Variants in SEMA5A observed in about 807,000 individuals in gnomAD.
SEMA5A encodes the protein semaphorin 5A.
SEMA5A carries 55 observed loss-of-function variants against 135.5 expected under a neutral mutation model. The ratio of observed to expected loss-of-function variants is 0.41; its 90% CI spans 0.33 to 0.51. The LOEUF (loss-of-function observed/expected upper bound fraction) is 0.51, where lower values mean the gene tolerates loss of function less well. Among genes scored for constraint, SEMA5A ranks in the 20% least tolerant of loss-of-function variants. The probability of loss-of-function intolerance (pLI) is 0.37; values close to 1 mark genes in which losing one functional copy is unlikely to be tolerated. For synonymous variants in SEMA5A, 580 were observed against 546.5 expected (o/e 1.06, Z -0.85); for missense variants, 1,290 against 1,419.9 (o/e 0.91, Z 1.47).
chr5:9,112,676 T>C (rs1740303191), intron 15 of SEMA5A, among the ~76,000 whole-genome samples: 2 of 152,080 alleles, frequency 1.3e-5, no homozygotes, highest in Admixed American at 1.3e-4. Context: ...CCTGGGACTC[T>C]TAACTTTGAG....
At chr5:9,241,691 C>G (rs969017217) in intron 5 of SEMA5A, among the ~76,000 whole-genome samples, 1 of 151,994 alleles carries the variant, frequency 6.6e-6, no homozygotes, top group Non-Finnish European at 1.5e-5. Context: ...TGCACACAGA[C>G]ATACTACGGT....
At chr5:9,412,462 T>C (rs908507512) in intron 2 of SEMA5A, among the ~76,000 whole-genome samples, 2 of 150,316 alleles carry the variant, frequency 1.3e-5, no homozygotes, top group Non-Finnish European at 2.9e-5. Context: ...ATAAACTGTT[T>C]TATTGTTATT....
At chr5:9,451,311 A>T (rs1373747145) in intron 1 of SEMA5A, among the ~76,000 whole-genome samples, 1 of 152,198 alleles carries the variant, frequency 6.6e-6, no homozygotes, top group Admixed American at 6.5e-5. Context: ...AACAACAAAC[A>T]AGACTCCTCA....
intron 11 of SEMA5A, among the ~76,000 whole-genome samples, chr5:9,174,356 T>C (rs377660666): frequency 2.4e-4 from 37 of 152,324 alleles, no homozygotes; most frequent in African/African-American, 8.4e-4. Context: ...ATCCCAGATA[T>C]GTGAAATATC....
chr5:9,037,202 G>A lies in SEMA5A; in HGVS notation c.*5695C>T, dbSNP rs964343802. 1.3e-5 allele frequency: 2 copies of A among 152,164 alleles called. No individual in the cohort carries two copies. Among genetic ancestry groups the A allele is most frequent in the African/African-American group, 2.4e-5 (1 of 41,430 alleles). The allele number at this position is 152,164 out of a possible 1,614,324, so 9.4% of individuals were successfully genotyped here. ...CCAGATCTGAAAGTGCCCTTGACTA[G>A]TTCCTGCCATTGCGCCAACACTGTA... On this transcript the variant is annotated 3_prime_UTR_variant, in exon 23 of 23. Coordinates refer to ENST00000382496, the MANE Select transcript of SEMA5A (RefSeq NM_003966.3).
At chr5:9,480,351 A>G (rs1414310074) in intron 1 of SEMA5A, among the ~76,000 whole-genome samples, 1 of 152,228 alleles carries the variant, frequency 6.6e-6, no homozygotes, top group Admixed American at 6.5e-5. Context: ...ATAACTTAGC[A>G]TAGCAAGTCC....
intron 1 of SEMA5A, among the ~76,000 whole-genome samples, chr5:9,485,827 C>T (rs1254637187): frequency 6.6e-6 from 1 of 152,114 alleles, no homozygotes; most frequent in African/African-American, 2.4e-5. Context: ...CATTGAAGAG[C>T]AGACACATGC....
intron 3 of SEMA5A, among the ~76,000 whole-genome samples, chr5:9,353,376 A>G (rs1579398537): frequency 2.0e-5 from 3 of 148,136 alleles, no homozygotes; most frequent in African/African-American, 2.5e-5. Flanking sequence ...AGGAAAGGAA[A>G]GGAAAGGAAA....
intron 16 of SEMA5A, among the ~76,000 whole-genome samples, chr5:9,107,373 A>T (rs1739976728): frequency 6.6e-6 from 1 of 152,106 alleles, no homozygotes; most frequent in African/African-American, 2.4e-5. Flanking sequence ...GGAGAAAAAA[A>T]AAAACATGCA....
chr5:9,501,641 G>A (rs1735605538), intron 1 of SEMA5A, among the ~76,000 whole-genome samples: 1 of 152,052 alleles, frequency 6.6e-6, no homozygotes, highest in African/African-American at 2.4e-5. Context: ...CTGGAATCCG[G>A]GCTCTGGGCT....
chr5:9,061,273 T>C (rs1271191398), intron 18 of SEMA5A, among the ~76,000 whole-genome samples: 1 of 152,142 alleles, frequency 6.6e-6, no homozygotes, highest in Non-Finnish European at 1.5e-5. Context: ...TACTCAAAAA[T>C]GTTTCCTGAG....
intron 16 of SEMA5A, among the ~76,000 whole-genome samples, chr5:9,084,142 G>A (rs570252194): frequency 6.6e-6 from 1 of 152,252 alleles, no homozygotes; most frequent in East Asian, 1.9e-4. Flanking sequence ...CAAAATAGTT[G>A]GATGCAAATG....
intron 1 of SEMA5A, among the ~76,000 whole-genome samples, chr5:9,525,293 A>G (rs565646010): frequency 6.6e-6 from 1 of 152,320 alleles, no homozygotes; most frequent in South Asian, 2.1e-4. Context: ...CACCTTTTAC[A>G]AGAAAACTTT....
At chr5:9,230,988 T>G (rs1265096145) in intron 6 of SEMA5A, among the ~76,000 whole-genome samples, 3 of 152,196 alleles carry the variant, frequency 2.0e-5, no homozygotes, top group Admixed American at 6.5e-5. Context: ...AATTCACAGA[T>G]TGTGAATTCC....
intron 11 of SEMA5A, among the ~76,000 whole-genome samples, chr5:9,155,774 T>C (rs1442274929): frequency 6.6e-6 from 1 of 152,238 alleles, no homozygotes; most frequent in Admixed American, 6.5e-5. Flanking sequence ...TAAAATACTT[T>C]ACATTTTTCT....
intron 5 of SEMA5A, among the ~76,000 whole-genome samples, chr5:9,296,873 G>A (rs1383324012): frequency 7.0e-6 from 1 of 142,888 alleles, no homozygotes; most frequent in African/African-American, 2.6e-5. Flanking sequence ...TTTCCTACAG[G>A]TGAGACATTA....
chr5:9,494,119 A>G (rs1735177160), intron 1 of SEMA5A, among the ~76,000 whole-genome samples: 1 of 152,200 alleles, frequency 6.6e-6, no homozygotes, highest in African/African-American at 2.4e-5. Flanking sequence ...ATCAGCAACT[A>G]TCCACAGAGC....
At chr5:9,106,553 C>G (rs759030526) in intron 16 of SEMA5A, among the ~76,000 whole-genome samples, 7 of 152,196 alleles carry the variant, frequency 4.6e-5, no homozygotes, top group Non-Finnish European at 7.3e-5. Flanking sequence ...CAACCCAGAT[C>G]ATCCATTCCT....
At chr5:9,309,357 TA>T (rs1752018378) in intron 5 of SEMA5A, among the ~76,000 whole-genome samples, 2 of 152,092 alleles carry the variant, frequency 1.3e-5, no homozygotes, top group African/African-American at 4.8e-5. Context: ...TTGTTTTCCC[TA>T]GCACAGACTA....
Sources: gnomAD v4.1 joint callset for allele counts (sites outside exome capture counted in the v4.1 genomes callset) on GRCh38, gnomAD v4.1.1 for gene constraint, MANE v1.5 for transcripts, NCBI Gene and HGNC (gene_info 2026-07-23, HGNC 2026-07-21) for gene names.